The following CDH8 variants were observed in gnomAD, a reference collection of about 807,000 sequenced individuals.
CDH8 encodes the protein cadherin-8.
A neutral mutation model predicts 68.1 loss-of-function variants in CDH8; 17 were observed. That is an observed-to-expected ratio of 0.25 (90% CI 0.17 to 0.37). CDH8 has a LOEUF of 0.37. Among genes scored for constraint, CDH8 ranks in the 10% least tolerant of loss-of-function variants. The pLI is 1.00. For synonymous variants in CDH8, 372 were observed against 365.1 expected (o/e 1.02, Z -0.21); for missense variants, 763 against 999.3 (o/e 0.76, Z 3.19).
At chr16:61,922,156 A>T (rs180811611) in intron 2 of CDH8, among the ~76,000 whole-genome samples, 2 of 152,210 alleles carry the variant, frequency 1.3e-5, no homozygotes, top group Non-Finnish European at 2.9e-5. Context: ...CACAGCCCCA[A>T]TAATTTAGGA....
chr16:62,029,765 T>G (rs1902280816), intron 1 of CDH8, among the ~76,000 whole-genome samples: 1 of 152,226 alleles, frequency 6.6e-6, no homozygotes, highest in Admixed American at 6.6e-5. Flanking sequence ...AAGTCTCTAC[T>G]AATTCCAAGA....
chr16:61,995,751 G>C (rs964340604), intron 2 of CDH8, among the ~76,000 whole-genome samples: 50 of 152,160 alleles, frequency 3.3e-4, no homozygotes, highest in African/African-American at 1.2e-3. Context: ...GGCAGACCAA[G>C]TGCCTATAAT....
At chr16:61,967,880 C>T (rs1044881186) in intron 2 of CDH8, among the ~76,000 whole-genome samples, 6 of 152,172 alleles carry the variant, frequency 3.9e-5, no homozygotes, top group Non-Finnish European at 7.3e-5. Flanking sequence ...ATGATCTTGG[C>T]TCATAGCAAC....
rs1001117873 is a variant in CDH8, at chr16:61,651,735, G to T, written c.*1873C>A. The T allele has an allele frequency of 6.6e-6, 1 of 152,216 alleles. No individual in the cohort carries two copies. The highest frequency in any genetic ancestry group is 2.4e-5 in the African/African-American group (1 of 41,414). 9.4% of individuals were successfully genotyped at this position (152,216 alleles called of 1,614,324 possible). A position where few individuals can be genotyped will look rare whatever the true frequency, so the allele number is the denominator to read the frequency against. ...TTTAGGTCTGCAAACTTGTCTGAAG[G>T]TTTTCCCTGCCCAATGCGTCTGCTT... On this transcript the variant is annotated 3_prime_UTR_variant, in exon 12 of 12. Coordinates refer to ENST00000577390, the MANE Select transcript of CDH8 (RefSeq NM_001796.5).
chr16:61,918,035 G>T (rs1964276206), intron 2 of CDH8, among the ~76,000 whole-genome samples: 1 of 140,204 alleles, frequency 7.1e-6, no homozygotes, highest in Non-Finnish European at 1.5e-5. Context: ...GGGTACAACT[G>T]CTGCCACCTT....
intron 5 of CDH8, among the ~76,000 whole-genome samples, chr16:61,822,171 G>C (rs1962228629): frequency 8.4e-6 from 1 of 118,460 alleles, no homozygotes. Flanking sequence ...TAAAGTTCCA[G>C]TAACCCACTG....
chr16:61,959,974 G>GTA (rs1965064013), intron 2 of CDH8, among the ~76,000 whole-genome samples: 5 of 43,326 alleles, frequency 1.2e-4, no homozygotes, highest in African/African-American at 3.3e-4. Context: ...TGGTGTATGT[G>GTA]TGTGTGTGTG....
chr16:61,962,970 A>G (rs558499207), intron 2 of CDH8, among the ~76,000 whole-genome samples: 5 of 152,240 alleles, frequency 3.3e-5, no homozygotes, highest in African/African-American at 1.2e-4. Context: ...ATTCACATCA[A>G]TGTTGTATTT....
At chr16:62,035,567 C>T (rs1422282276) in intron 1 of CDH8, among the ~76,000 whole-genome samples, 1 of 152,196 alleles carries the variant, frequency 6.6e-6, no homozygotes, top group Non-Finnish European at 1.5e-5. Flanking sequence ...CCGCGGGGGT[C>T]GCCCTCCCTC....
At chr16:62,031,677 AAC>A (rs10528241) in intron 1 of CDH8, among the ~76,000 whole-genome samples, 11 of 149,914 alleles carry the variant, frequency 7.3e-5, no homozygotes, top group East Asian at 2.0e-4. Context: ...CACACCCACA[AAC>A]ACACACACAC....
chr16:61,853,584 G>A (rs1962983637), intron 4 of CDH8, among the ~76,000 whole-genome samples: 1 of 152,078 alleles, frequency 6.6e-6, no homozygotes. Context: ...ATGTGGTGAT[G>A]TGTAATGGTA....
intron 9 of CDH8, among the ~76,000 whole-genome samples, chr16:61,722,777 T>G (rs1959235308): frequency 1.3e-5 from 2 of 150,842 alleles, no homozygotes; most frequent in Admixed American, 1.3e-4. Context: ...GACTACCTTT[T>G]TATTTGAACT....
chr16:61,813,123 G>C (rs1281259616), intron 7 of CDH8, among the ~76,000 whole-genome samples: 1 of 152,020 alleles, frequency 6.6e-6, no homozygotes, highest in Non-Finnish European at 1.5e-5. Context: ...TTTATACTCT[G>C]GTTAATTCCA....
intron 10 of CDH8, among the ~76,000 whole-genome samples, chr16:61,668,680 A>G (rs1020000284): frequency 6.6e-6 from 1 of 151,162 alleles, no homozygotes; most frequent in African/African-American, 2.4e-5. Flanking sequence ...AAAAAAAAAA[A>G]CAAACACACA....
intron 3 of CDH8, among the ~76,000 whole-genome samples, chr16:61,860,822 AC>A (rs1336895631): frequency 1.3e-5 from 2 of 152,174 alleles, no homozygotes; most frequent in African/African-American, 4.8e-5. Context: ...AGAGAAAAAA[AC>A]ATATCCAAAT....
intron 10 of CDH8, among the ~76,000 whole-genome samples, chr16:61,657,541 A>T (rs1421433618): frequency 6.6e-6 from 1 of 152,116 alleles, no homozygotes; most frequent in Non-Finnish European, 1.5e-5. Flanking sequence ...CCTAGATGGA[A>T]ATACCAGTAA....
At chr16:62,027,788 C>T (rs892428726) in intron 1 of CDH8, among the ~76,000 whole-genome samples, 3 of 152,124 alleles carry the variant, frequency 2.0e-5, no homozygotes, top group Admixed American at 2.0e-4. Context: ...TGCATTTATT[C>T]AAATATAAAT....
At chr16:61,752,066 G>C (rs9935387) in intron 8 of CDH8, among the ~76,000 whole-genome samples, 1 of 151,862 alleles carries the variant, frequency 6.6e-6, no homozygotes, top group Non-Finnish European at 1.5e-5. Context: ...AGGGGGAAGA[G>C]TTCATGAACA....
chr16:61,696,833 A>C (rs1448472868), intron 10 of CDH8, among the ~76,000 whole-genome samples: 1 of 152,162 alleles, frequency 6.6e-6, no homozygotes, highest in East Asian at 1.9e-4. Flanking sequence ...ACAAATCAAC[A>C]CAGGGACAGG....
Sources: gnomAD v4.1 joint callset for allele counts (sites outside exome capture counted in the v4.1 genomes callset) on GRCh38, gnomAD v4.1.1 for gene constraint, MANE v1.5 for transcripts, NCBI Gene and HGNC (gene_info 2026-07-23, HGNC 2026-07-21) for gene names.